CD9: variants seen among roughly 807,000 people sequenced by gnomAD.
The protein encoded by CD9 is CD9 antigen.
CD9 carries 10 observed loss-of-function variants against 31.4 expected under a neutral mutation model. The ratio of observed to expected loss-of-function variants is 0.32; its 90% confidence interval spans 0.20 to 0.54. The LOEUF (loss-of-function observed/expected upper bound fraction) is 0.54. CD9 is among the 20% of genes least tolerant of loss of function. CD9 has a pLI of 0.94. For synonymous variants in CD9, 113 were observed against 114.1 expected (o/e 0.99, Z 0.06); for missense variants, 259 against 300.1 (o/e 0.86, Z 1.01).
In CD9 at chr12:6,232,339, A is replaced by G; in HGVS notation, c.176-293A>G. 2 of 490,962 alleles carry G rather than the reference A, an allele frequency of 4.1e-6. No homozygotes were observed. Among genetic ancestry groups the G allele is most frequent in the Non-Finnish European group, 7.4e-6 (2 of 270,184 alleles). The allele number at this position is 490,962 out of a possible 1,614,324, so 30.4% of individuals were successfully genotyped here. ...TCCGAATGTAGGGATTCCCGTGGAT[A>G]TTCTCTGTCCTGGATTGAGGGCTAA... On this transcript the variant is annotated intron_variant, in intron 2 of 7. Coordinates refer to ENST00000009180, the MANE Select transcript of CD9 (RefSeq NM_001769.4). This position sits in a 1 kb window ranked among gnomAD's most constrained non-coding sequence, Gnocchi z 4.8.
intron 1 of CD9, among the ~76,000 whole-genome samples, chr12:6,216,115 A>G (rs1946239853): frequency 6.6e-6 from 1 of 152,344 alleles, no homozygotes; most frequent in Middle Eastern, 3.4e-3. Context: ...GGAGTGAATC[A>G]GCCCATCCAA....
chr12:6,226,818 AT>A (rs1386429973), intron 2 of CD9, among the ~76,000 whole-genome samples: 1 of 152,148 alleles, frequency 6.6e-6, no homozygotes, highest in Non-Finnish European at 1.5e-5. Flanking sequence ...GCAACAGACC[AT>A]TTTTTGGGAG....
intron 1 of CD9, among the ~76,000 whole-genome samples, chr12:6,220,965 G>A (rs1031070406): frequency 1.3e-5 from 2 of 152,174 alleles, no homozygotes; most frequent in African/African-American, 4.8e-5. Flanking sequence ...GACACCACAG[G>A]ACAGTTGTCA....
rs368540878 is a variant in CD9 at position 6,232,629 on chromosome 12, C to T, written c.176-3C>T. ...CGTGTGTGCTTCCTCTGTCCTCCCG[C>T]AGGAGTCTATATTCTGATCGGAGCC... On this transcript the variant is annotated splice_region_variant and splice_polypyrimidine_tract_variant and intron_variant, in intron 2 of 7. Transcript: ENST00000009180. This position sits in a 1 kb window ranked among gnomAD's most constrained non-coding sequence, Gnocchi z 4.8. 1.1e-5 allele frequency: 17 copies of T among 1,559,578 alleles called. No individual in the cohort carries two copies. Among genetic ancestry groups the T allele is most frequent in the Non-Finnish European group, 1.5e-5 (17 of 1,151,934 alleles).
chr12:6,233,712 A>C (rs112078633), intron 4 of CD9, among the ~76,000 whole-genome samples: 4 of 152,246 alleles, frequency 2.6e-5, no homozygotes, highest in African/African-American at 9.6e-5. Flanking sequence ...GTTGACTCAT[A>C]GTAGATGTTC....
chr12:6,238,037 G>C lies in CD9; in HGVS notation c.*209G>C. On this transcript the variant is annotated 3_prime_UTR_variant, in exon 8 of 8. Transcript: ENST00000009180. ...ATTGACATTTGTAGTTGAGCGGGGG[G>C]TTTGGTTTGCTTTGGTTTATATTTT... The C allele has an allele frequency of 2.2e-6, 1 of 462,356 alleles. No homozygotes were observed. The highest frequency in any genetic ancestry group is 3.9e-6 in the Non-Finnish European group (1 of 255,504). The allele number at this position is 462,356 out of a possible 1,614,324, so 28.6% of individuals were successfully genotyped here.
chr12:6,207,250 C>T (rs1038084134), intron 1 of CD9, among the ~76,000 whole-genome samples: 1 of 152,198 alleles, frequency 6.6e-6, no homozygotes, highest in Non-Finnish European at 1.5e-5. Flanking sequence ...CTGCTCTGTC[C>T]TGAGTCCCAT....
At chr12:6,233,264 T>A (rs1946474563) in intron 3 of CD9, 148 bp from the exon 4 acceptor site, 1 of 661,042 alleles carries the variant, frequency 1.5e-6, no homozygotes, top group Non-Finnish European at 2.7e-6. Flanking sequence ...TCTGTGAACT[T>A]CTTCCCTGCC....
intron 2 of CD9, among the ~76,000 whole-genome samples, chr12:6,230,283 T>C (rs1418470964): frequency 3.9e-5 from 6 of 152,228 alleles, no homozygotes; most frequent in Non-Finnish European, 7.3e-5. Flanking sequence ...ACAAAACCCG[T>C]GATCCTAAAA....
At position 6,232,005 on chromosome 12, in the gene CD9, G is replaced by C. The variant is rs927470086; in HGVS notation, c.176-627G>C. Among the ~76,000 whole-genome samples the C allele has an allele frequency of 1.6e-4, 24 of 152,196 alleles. No homozygotes were observed. Among genetic ancestry groups the C allele is most frequent in the African/African-American group, 5.5e-4 (23 of 41,458 alleles). ...TCTGACACCCAGATCTGTGTCCTTTGCACTAGAGTCAGGTATTGGACCTTT... is the reference window on the plus strand; with the variant it reads ...TCTGACACCCAGATCTGTGTCCTTTCCACTAGAGTCAGGTATTGGACCTTT... On this transcript the variant is annotated intron_variant, in intron 2 of 7. Coordinates refer to ENST00000009180, the MANE Select transcript of CD9 (RefSeq NM_001769.4). The surrounding 1 kb of genome is among the most constrained non-coding windows in gnomAD (Gnocchi z 4.8).
At chr12:6,208,428 A>T (rs1054722874) in intron 1 of CD9, among the ~76,000 whole-genome samples, 1 of 152,196 alleles carries the variant, frequency 6.6e-6, no homozygotes, top group Non-Finnish European at 1.5e-5. Flanking sequence ...AAGTTCAGAA[A>T]CAACACAATA....
chr12:6,223,331 C>G (rs533516122), intron 1 of CD9, among the ~76,000 whole-genome samples: 1 of 151,688 alleles, frequency 6.6e-6, no homozygotes, highest in East Asian at 1.9e-4. Flanking sequence ...GCGCAATCTC[C>G]GCTCACTGCA....
intron 1 of CD9, among the ~76,000 whole-genome samples, chr12:6,203,578 TCC>T (rs1946098254): frequency 6.6e-6 from 1 of 152,116 alleles, no homozygotes; most frequent in Non-Finnish European, 1.5e-5. Flanking sequence ...TGTGGGTCAC[TCC>T]CTGATGGCCA....
At chr12:6,220,261 A>G (rs1946280448) in intron 1 of CD9, among the ~76,000 whole-genome samples, 1 of 152,242 alleles carries the variant, frequency 6.6e-6, no homozygotes, top group Non-Finnish European at 1.5e-5. Context: ...TTGTACTAGC[A>G]GAGGCACAAT....
chr12:6,220,674 C>T (rs1946284050), intron 1 of CD9, among the ~76,000 whole-genome samples: 2 of 152,160 alleles, frequency 1.3e-5, no homozygotes, highest in Admixed American at 6.5e-5. Context: ...TTGAAGGAGA[C>T]AGGAAGCTTT....
intron 2 of CD9, among the ~76,000 whole-genome samples, chr12:6,228,131 A>G (rs1256504081): frequency 6.6e-6 from 1 of 152,302 alleles, no homozygotes; most frequent in South Asian, 2.1e-4. Context: ...GGAAATACAG[A>G]TCCTTTGCAG....
chr12:6,227,010 C>T (rs538972494), intron 2 of CD9, among the ~76,000 whole-genome samples: 18 of 152,232 alleles, frequency 1.2e-4, no homozygotes, highest in East Asian at 7.7e-4. Context: ...GCCCTGTGGC[C>T]GGCGCGTGTG....
At chr12:6,202,626 G>C (rs1011629636) in intron 1 of CD9, among the ~76,000 whole-genome samples, 3 of 152,076 alleles carry the variant, frequency 2.0e-5, no homozygotes, top group African/African-American at 7.3e-5. Flanking sequence ...TATCTACTCT[G>C]TCTGTGGCCT....
chr12:6,219,776 C>T (rs375053698), intron 1 of CD9, among the ~76,000 whole-genome samples: 4 of 152,202 alleles, frequency 2.6e-5, no homozygotes, highest in African/African-American at 7.2e-5. Flanking sequence ...AGAGCCACTG[C>T]GCCTGGCCTC....
Sources: allele counts gnomAD v4.1 joint callset (sites outside exome capture counted in the v4.1 genomes callset), GRCh38; gene constraint gnomAD v4.1.1; non-coding constraint Gnocchi (gnomAD v3.1); transcripts MANE v1.5; gene names NCBI Gene and HGNC (gene_info 2026-07-23, HGNC 2026-07-21).